The following RAD23A variants were observed in gnomAD, a reference collection of about 807,000 sequenced individuals.
RAD23A encodes the protein lysine-specific demethylase RAD23A.
RAD23A carries 16 observed loss-of-function variants against 44.8 expected under a neutral mutation model. The ratio of observed to expected loss-of-function variants is 0.36; its 90% confidence interval spans 0.24 to 0.54. The LOEUF is 0.54. Ranked by LOEUF, RAD23A falls within the 20% of genes least tolerant of loss-of-function variation. The pLI, the probability that RAD23A is intolerant of heterozygous loss-of-function variation, is 0.89. For synonymous variants in RAD23A, 217 were observed against 202.9 expected (o/e 1.07, Z -0.59); for missense variants, 380 against 483.3 (o/e 0.79, Z 2.00).
intron 7 of RAD23A, among the ~76,000 whole-genome samples, chr19:12,951,693 G>C (rs1971816483): frequency 1.3e-5 from 2 of 152,172 alleles, no homozygotes; most frequent in Admixed American, 1.3e-4. Flanking sequence ...TGATCTGCCT[G>C]CCTCAGCCTC....
In RAD23A at chr19:12,953,177, A is replaced by G; in HGVS notation, c.*128A>G. On this transcript the variant is annotated 3_prime_UTR_variant, in exon 9 of 9. Transcript: ENST00000586534. ...AAAAAAAATCAAAAATCTTAAAAAA[A>G]CAAGCAAACAGTCCAGCTTCCTGTC... 1.5e-6 allele frequency: 1 copy of G among 682,158 alleles called. No homozygotes were observed. Among genetic ancestry groups the G allele is most frequent in the Non-Finnish European group, 2.3e-6 (1 of 433,500 alleles). 42.3% of individuals were successfully genotyped at this position (682,158 alleles called of 1,614,324 possible). A position where few individuals can be genotyped will look rare whatever the true frequency, so the allele number is the denominator to read the frequency against.
chr19:12,949,186 C>G, intron 6 of RAD23A, 27 bp downstream of exon 6: 1 of 1,614,112 alleles, frequency 6.2e-7, no homozygotes, highest in Non-Finnish European at 8.5e-7. Context: ...CGCATCTGCC[C>G]TCCAGGTACC....
At position 12,948,661 on chromosome 19, in the gene RAD23A, C is replaced by G. The variant is rs374430056; in HGVS notation, c.473-25C>G. 23 of 1,604,328 alleles carry G rather than the reference C, an allele frequency of 1.4e-5. No individual in the cohort carries two copies. Among genetic ancestry groups the G allele is most frequent in the Non-Finnish European group, 1.8e-5 (21 of 1,176,110 alleles). ...GCTGCCCTTTCCTCTTCCTGGTGACCTAGGCTTTGCTGCTTCCTCCACAGT... is the reference window on the plus strand; with the variant it reads ...GCTGCCCTTTCCTCTTCCTGGTGACGTAGGCTTTGCTGCTTCCTCCACAGT... On this transcript the variant is annotated intron_variant, in intron 4 of 8. Transcript: ENST00000586534. This position sits in a 1 kb window ranked among gnomAD's most constrained non-coding sequence, Gnocchi z 5.5.
chr19:12,946,225 C>A (rs925860140), intron 1 of RAD23A, among the ~76,000 whole-genome samples: 1 of 152,212 alleles, frequency 6.6e-6, no homozygotes, highest in Admixed American at 6.5e-5. Flanking sequence ...CTGCGCCGGT[C>A]TCCGGGCGAG....
At position 12,949,415 on chromosome 19, in the gene RAD23A, TCCCAAGGGCA is replaced by T; in HGVS notation, c.813+8_813+17del. ...GAACCCTCAGCTTTTACAGGTGTGGTCCCAAGGGCAGAGGGAGCTAGGGCAGCCACCATTT... is the reference window on the plus strand; with the variant it reads ...GAACCCTCAGCTTTTACAGGTGTGGTGAGGGAGCTAGGGCAGCCACCATTT... On this transcript the variant is annotated splice_region_variant and intron_variant, in intron 7 of 8. Coordinates refer to ENST00000586534, the MANE Select transcript of RAD23A (RefSeq NM_005053.4). 1 of 1,610,926 alleles carries T rather than the reference TCCCAAGGGCA, an allele frequency of 6.2e-7. No individual in the cohort carries two copies. Among genetic ancestry groups the T allele is most frequent in the South Asian group, 1.1e-5 (1 of 91,012 alleles).
chr19:12,949,514 C>T (rs966615173), intron 7 of RAD23A, 106 bp downstream of exon 7: 4 of 1,456,040 alleles, frequency 2.7e-6, no homozygotes, highest in Non-Finnish European at 3.7e-6. Context: ...GAAAGCAGGA[C>T]TAAGCACATG....
rs906625037 is a variant in RAD23A at position 12,953,136 on chromosome 19, T to G, written c.*87T>G. Reference sequence around the variant, plus strand: ...AGAAAAAATATATATATATTCATGTTTATTTAAGAAATGGAAAAAAAAATC... The same window carrying G: ...AGAAAAAATATATATATATTCATGTGTATTTAAGAAATGGAAAAAAAAATC... On this transcript the variant is annotated 3_prime_UTR_variant, in exon 9 of 9. Transcript: ENST00000586534. 1.0e-5 allele frequency: 9 copies of G among 857,616 alleles called. No individual in the cohort carries two copies. The highest frequency in any genetic ancestry group is 9.0e-5 in the East Asian group (3 of 33,410). The allele number at this position is 857,616 out of a possible 1,614,324, so 53.1% of individuals were successfully genotyped here. A position where few individuals can be genotyped will look rare whatever the true frequency, so the allele number is the denominator to read the frequency against.
rs1209566579 is a variant in RAD23A, at chr19:12,948,454, C to G, written c.417-43C>G. 1.3e-6 allele frequency: 2 copies of G among 1,550,926 alleles called. No individual in the cohort carries two copies. The highest frequency in any genetic ancestry group is 1.4e-5 in the African/African-American group (1 of 72,940). On this transcript the variant is annotated intron_variant, in intron 3 of 8. Transcript: ENST00000586534. The surrounding 1 kb of genome is among the most constrained non-coding windows in gnomAD (Gnocchi z 5.5). ...CCCACACACCTGGAGGGAGGGCAAGCCGCCAGAAGCCAGGGTCCGATTTCT... is the reference window on the plus strand; with the variant it reads ...CCCACACACCTGGAGGGAGGGCAAGGCGCCAGAAGCCAGGGTCCGATTTCT...
chr19:12,946,160 T>G, intron 1 of RAD23A, 140 bp downstream of exon 1: 1 of 787,530 alleles, frequency 1.3e-6, no homozygotes, highest in Non-Finnish European at 1.9e-6. Context: ...CTGCCCGACT[T>G]TCCTGGACCC....
Position 12,952,734 on chromosome 19 carries a change from C to A in RAD23A, c.859C>A (p.Pro287Thr). 6.2e-7 allele frequency: 1 copy of A among 1,612,588 alleles called. No individual in the cohort carries two copies. Among genetic ancestry groups the A allele is most frequent in the South Asian group, 1.1e-5 (1 of 91,016 alleles). The change falls in exon 8 of 9, where the codon CCC (proline) becomes ACC (threonine). Residue 287 changes from proline (P) to threonine (T), a missense_variant. Transcript: ENST00000586534. Reference sequence around the variant, plus strand: ...GCAGTTCATCCAGATGCTGAACGAGCCCCCTGGGGAGCTGGCGGACATCTC... The same window carrying A: ...GCAGTTCATCCAGATGCTGAACGAGACCCCTGGGGAGCTGGCGGACATCTC... ...QEQFIQMLNEPPGELADISDV... is the reference protein window; with the variant it reads ...QEQFIQMLNETPGELADISDV...
At position 12,948,137 on chromosome 19, in the gene RAD23A, A is replaced by G. The variant is rs1020492568; in HGVS notation, c.235-40A>G. ...AGCGGAGCGGGTTGTTGGGTCTGATAGGGTTGCTGATGCCAGCTCCCTTTT... is the reference window on the plus strand; with the variant it reads ...AGCGGAGCGGGTTGTTGGGTCTGATGGGGTTGCTGATGCCAGCTCCCTTTT... On this transcript the variant is annotated intron_variant, in intron 2 of 8. Coordinates refer to ENST00000586534, the MANE Select transcript of RAD23A (RefSeq NM_005053.4). This position sits in a 1 kb window ranked among gnomAD's most constrained non-coding sequence, Gnocchi z 5.5. 6.2e-7 allele frequency: 1 copy of G among 1,612,950 alleles called. No homozygotes were observed. Among genetic ancestry groups the G allele is most frequent in the African/African-American group, 1.3e-5 (1 of 74,964 alleles).
rs150577597 is a variant in RAD23A at position 12,952,310 on chromosome 19, G to C, written c.814-379G>C. ...CTCCTGGGTTCAGTCTTATGCCTCA[G>C]CCTGCCAAGTAGCTGGGATTACAGG... On this transcript the variant is annotated intron_variant, in intron 7 of 8. Coordinates refer to ENST00000586534, the MANE Select transcript of RAD23A (RefSeq NM_005053.4). 367 of 187,424 alleles carry C rather than the reference G, an allele frequency of 2.0e-3. 3 individuals carry two copies. Among genetic ancestry groups the C allele is most frequent in the African/African-American group, 8.1e-3 (338 of 41,910 alleles). 11.6% of individuals were successfully genotyped at this position (187,424 alleles called of 1,614,324 possible). A position where few individuals can be genotyped will look rare whatever the true frequency, so the allele number is the denominator to read the frequency against.
chr19:12,952,572 G>T (rs1378539957), intron 7 of RAD23A, 117 bp from the exon 8 acceptor site: 2 of 1,230,816 alleles, frequency 1.6e-6, no homozygotes, highest in African/African-American at 1.5e-5. Flanking sequence ...TGTTTGGCCA[G>T]AACAGGCTCC....
chr19:12,948,621 C>T lies in RAD23A; in HGVS notation c.473-65C>T. On this transcript the variant is annotated intron_variant, in intron 4 of 8. Transcript: ENST00000586534. This position sits in a 1 kb window ranked among gnomAD's most constrained non-coding sequence, Gnocchi z 5.5. ...CCATCAGCTGGGCCTTGTCTGGGTGCGGGAGGGCCTGGGAGCTGCCCTTTC... is the reference window on the plus strand; with the variant it reads ...CCATCAGCTGGGCCTTGTCTGGGTGTGGGAGGGCCTGGGAGCTGCCCTTTC... 11 of 1,581,048 alleles carry T rather than the reference C, an allele frequency of 7.0e-6. No homozygotes were observed. Among genetic ancestry groups the T allele is most frequent in the South Asian group, 1.2e-5 (1 of 86,766 alleles).
Position 12,946,012 on chromosome 19 carries a change from G to A in RAD23A, c.64G>A (p.Asp22Asn). 1.3e-6 allele frequency: 2 copies of A among 1,531,552 alleles called. No homozygotes were observed. The highest frequency in any genetic ancestry group is 2.7e-5 in the East Asian group (1 of 36,640). 94.9% of individuals were successfully genotyped at this position (1,531,552 alleles called of 1,614,324 possible). The part of the protein sequence containing the change: ...QQTFKIRMEP[D>N]ETVKVLKEKI... ...GACCTTCAAGATCCGCATGGAGCCT[G>A]ACGAGACGGTGCGGGCCGGGCCGGA... is the stretch of plus-strand genomic sequence containing the variant. The change falls in exon 1 of 9, where the codon GAC becomes AAC. Residue 22 changes from aspartate to asparagine, a missense_variant. Asp to Asn is a conservative substitution (Grantham distance 23). Coordinates refer to ENST00000586534, the MANE Select transcript of RAD23A (RefSeq NM_005053.4).
intron 1 of RAD23A, among the ~76,000 whole-genome samples, chr19:12,947,133 G>A (rs961403361): frequency 1.3e-5 from 2 of 152,206 alleles, no homozygotes; most frequent in Admixed American, 6.5e-5. Flanking sequence ...ATTTACAGTA[G>A]CACTATTGGC....
In RAD23A at chr19:12,948,301, A is replaced by G. The variant is rs1280661165; in HGVS notation, c.359A>G (p.Glu120Gly). The G allele has an allele frequency of 1.2e-6, 2 of 1,612,794 alleles. No individual in the cohort carries two copies. Among genetic ancestry groups the G allele is most frequent in the Non-Finnish European group, 8.5e-7 (1 of 1,179,500 alleles). The change falls in exon 3 of 9, where the codon GAG (glutamate) becomes GGG (glycine). Residue 120 changes from glutamate (E) to glycine (G), a missense_variant. Coordinates refer to ENST00000586534, the MANE Select transcript of RAD23A (RefSeq NM_005053.4). The surrounding 1 kb of genome is among the most constrained non-coding windows in gnomAD (Gnocchi z 5.5). The stretch of plus-strand genomic sequence containing the variant: ...TCCCATCCCCCACCTGCCGCCAGAG[A>G]GGACAAGAGCCCATCAGAGGAATCC... Reference protein sequence around the residue: ...GMSHPPPAAREDKSPSEESAP... With the variant: ...GMSHPPPAARGDKSPSEESAP...
chr19:12,951,252 C>T (rs2146040952), intron 7 of RAD23A, among the ~76,000 whole-genome samples: 2 of 152,108 alleles, frequency 1.3e-5, no homozygotes, highest in Middle Eastern at 3.4e-3. Context: ...GTTGAGGTTA[C>T]AGGCGTGAGC....
At chr19:12,949,492 G>A (rs765210015) in intron 7 of RAD23A, 84 bp downstream of exon 7, 68 of 1,546,178 alleles carry the variant, frequency 4.4e-5, no homozygotes, top group Middle Eastern at 3.5e-4. Flanking sequence ...CGTAGGAATC[G>A]TTCTAGGTCC....
Sources: allele counts gnomAD v4.1 joint callset (sites outside exome capture counted in the v4.1 genomes callset), GRCh38; gene constraint gnomAD v4.1.1; non-coding constraint Gnocchi (gnomAD v3.1); transcripts MANE v1.5; gene names NCBI Gene and HGNC (gene_info 2026-07-23, HGNC 2026-07-21).